Variants in CSMD1 observed in about 807,000 individuals in gnomAD.
CSMD1 encodes CUB and sushi domain-containing protein 1.
In CSMD1, 213 loss-of-function variants were observed where a neutral mutation model predicts 417.5. That is an observed-to-expected ratio of 0.51 (90% CI 0.46 to 0.57). The LOEUF (loss-of-function observed/expected upper bound fraction) is 0.57, where lower values mean the gene tolerates loss of function less well. Among genes scored for constraint, CSMD1 ranks in the 20% least tolerant of loss-of-function variants. The pLI is 0.00. For missense variants in CSMD1, 6,923 were observed against 4,529.7 expected (o/e 1.53, Z -15.17); for synonymous variants, 2,862 against 1,736.8 (o/e 1.65, Z -16.11).
intron 5 of CSMD1, among the ~76,000 whole-genome samples, chr8:3,831,574 A>T (rs1210974081): frequency 6.6e-6 from 1 of 152,170 alleles, no homozygotes; most frequent in East Asian, 1.9e-4. Flanking sequence ...TCACTACAGC[A>T]ATGGAATATC....
At chr8:3,004,681 T>A (rs181111671) in intron 52 of CSMD1, among the ~76,000 whole-genome samples, 1 of 152,344 alleles carries the variant, frequency 6.6e-6, no homozygotes, top group Admixed American at 6.5e-5. Flanking sequence ...AATTTTACAT[T>A]TTAATTCTTC....
In CSMD1 at chr8:4,293,588, C is replaced by T. The variant is rs143657468; in HGVS notation, c.415+126365G>A. Among the ~76,000 whole-genome samples, 154 of 152,268 alleles carry T rather than the reference C, an allele frequency of 1.0e-3. 2 individuals are homozygous for T. Among genetic ancestry groups the T allele is most frequent in the African/African-American group, 3.5e-3 (146 of 41,554 alleles). On this transcript the variant is annotated intron_variant, in intron 3 of 69. Transcript: ENST00000635120. ...CCAAATTAGGCACAATAAAAGAGCT[C>T]ATCTCATCATGAACTAAGCAATACT...
At chr8:3,508,722 A>C (rs1384174612) in intron 10 of CSMD1, among the ~76,000 whole-genome samples, 1 of 152,120 alleles carries the variant, frequency 6.6e-6, no homozygotes, top group Non-Finnish European at 1.5e-5. Flanking sequence ...GAATATTTTA[A>C]AATTTAAAAC....
chr8:4,975,908 T>A (rs1307166126), intron 1 of CSMD1, among the ~76,000 whole-genome samples: 1 of 152,220 alleles, frequency 6.6e-6, no homozygotes, highest in Admixed American at 6.5e-5. Context: ...ATTTCCTATG[T>A]TGCTCACATT....
At chr8:3,675,350 A>T (rs1263618726) in intron 7 of CSMD1, among the ~76,000 whole-genome samples, 3 of 152,192 alleles carry the variant, frequency 2.0e-5, no homozygotes, top group African/African-American at 7.2e-5. Context: ...CTATCCATGT[A>T]GCCTCCATAG....
chr8:3,762,102 C>A (rs1279650703), intron 5 of CSMD1, among the ~76,000 whole-genome samples: 3 of 152,138 alleles, frequency 2.0e-5, no homozygotes, highest in Non-Finnish European at 4.4e-5. Context: ...CCCACTCACT[C>A]CAGCTTGGCT....
intron 1 of CSMD1, among the ~76,000 whole-genome samples, chr8:4,801,913 T>C (rs752340376): frequency 2.6e-5 from 4 of 152,228 alleles, no homozygotes; most frequent in Non-Finnish European, 5.9e-5. Flanking sequence ...CAAGGCAGCA[T>C]TCGTACTGTG....
At position 4,078,161 on chromosome 8, in the gene CSMD1, T is replaced by A. The variant is rs577126626; in HGVS notation, c.416-46062A>T. Among the ~76,000 whole-genome samples the A allele has an allele frequency of 7.9e-5, 12 of 152,320 alleles. 1 individual carries two copies. The East Asian group carries it at 1.9e-3, about 24-fold the overall frequency. ...TTAAAATCAGCTTACAAATTTCCAA[T>A]GGCAATTCAGTTTGCTATTTTCAAC... On this transcript the variant is annotated intron_variant, in intron 3 of 69. Coordinates refer to ENST00000635120, the MANE Select transcript of CSMD1 (RefSeq NM_033225.6).
chr8:4,375,671 T>G (rs1802688410), intron 3 of CSMD1, among the ~76,000 whole-genome samples: 1 of 152,124 alleles, frequency 6.6e-6, no homozygotes, highest in South Asian at 2.1e-4. Flanking sequence ...AAGGGAGGAA[T>G]GCCCACAGAG....
At chr8:4,438,117 C>CG (rs1169778482) in intron 2 of CSMD1, among the ~76,000 whole-genome samples, 1 of 152,182 alleles carries the variant, frequency 6.6e-6, no homozygotes, top group Non-Finnish European at 1.5e-5. Context: ...TAGCACACTA[C>CG]GCTGCACTCA....
intron 50 of CSMD1, among the ~76,000 whole-genome samples, chr8:3,051,659 T>G (rs146355817): frequency 5.6e-4 from 85 of 152,344 alleles, no homozygotes; most frequent in African/African-American, 1.9e-3. Context: ...ACATGATATA[T>G]TAAATGAAAA....
chr8:4,506,550 C>A (rs1802537887), intron 2 of CSMD1, among the ~76,000 whole-genome samples: 1 of 152,106 alleles, frequency 6.6e-6, no homozygotes, highest in Non-Finnish European at 1.5e-5. Context: ...GTGGAAGGGA[C>A]CTGGGTCTCT....
chr8:3,333,603 C>A (rs78014325), intron 23 of CSMD1, among the ~76,000 whole-genome samples: 6,086 of 152,272 alleles, frequency 0.04, 367 homozygotes, highest in East Asian at 0.25. Context: ...ATATGTTTGC[C>A]ATAATCTTAA....
intron 10 of CSMD1, among the ~76,000 whole-genome samples, chr8:3,551,975 T>A (rs181271454): frequency 6.6e-6 from 1 of 152,162 alleles, no homozygotes; most frequent in Admixed American, 6.6e-5. Context: ...TGAGGACTGA[T>A]AGGGATCTCA....
intron 3 of CSMD1, among the ~76,000 whole-genome samples, chr8:4,193,506 C>T (rs1028628481): frequency 6.6e-6 from 1 of 151,990 alleles, no homozygotes; most frequent in African/African-American, 2.4e-5. Context: ...TGGCTTCAGT[C>T]TTGCTGATAT....
In CSMD1 at chr8:3,308,486, A is replaced by G; in HGVS notation, c.3649T>C (p.Cys1217Arg). 1 of 1,612,254 alleles carries G rather than the reference A, an allele frequency of 6.2e-7. No individual in the cohort carries two copies. Among genetic ancestry groups the G allele is most frequent in the Non-Finnish European group, 8.5e-7 (1 of 1,178,842 alleles). Residue 1217 changes from cysteine to arginine, a missense_variant, in exon 24 of 70, where the codon TGT (cysteine) becomes CGT (arginine). Coordinates refer to ENST00000635120, the MANE Select transcript of CSMD1 (RefSeq NM_033225.6). ...TAGTTAGGGATGCCCGGATCCTCAC[A>G]TTTTACCAGATCAAAACCTGCAAGA... ...LTYTSFDLVK[C>R]EDPGIPNYGY...
chr8:4,172,382 C>G (rs1473143929), intron 3 of CSMD1, among the ~76,000 whole-genome samples: 1 of 151,980 alleles, frequency 6.6e-6, no homozygotes, highest in African/African-American at 2.4e-5. Flanking sequence ...TAAATCAAAT[C>G]CAAATCTAAA....
chr8:3,984,054 T>C (rs1352135980), intron 5 of CSMD1, among the ~76,000 whole-genome samples: 2 of 106,218 alleles, frequency 1.9e-5, no homozygotes, highest in African/African-American at 3.4e-5. Context: ...CTGATGGGGC[T>C]GTCAATTGCA....
intron 23 of CSMD1, among the ~76,000 whole-genome samples, chr8:3,313,138 A>C (rs1037188486): frequency 6.6e-6 from 1 of 152,242 alleles, no homozygotes; most frequent in Non-Finnish European, 1.5e-5. Context: ...TTAAAGACTT[A>C]AATGTTAGAC....
Sources: allele counts gnomAD v4.1 joint callset (sites outside exome capture counted in the v4.1 genomes callset), GRCh38; gene constraint gnomAD v4.1.1; transcripts MANE v1.5; gene names NCBI Gene and HGNC (gene_info 2026-07-23, HGNC 2026-07-21).